Variants in WNT16 observed in about 807,000 individuals in gnomAD.
WNT16 encodes protein Wnt-16.
Under a neutral mutation model 35.4 loss-of-function variants are expected in WNT16, and 20 were observed. The observed-to-expected ratio is 0.56, with a 90% confidence interval of 0.40 to 0.82. The LOEUF (loss-of-function observed/expected upper bound fraction) is 0.82, where lower values mean the gene tolerates loss of function less well. Ranked by LOEUF, WNT16 falls within the 40% of genes least tolerant of loss-of-function variation. The probability of loss-of-function intolerance (pLI) is 0.00; values close to 1 mark genes in which losing one functional copy is unlikely to be tolerated. For missense variants in WNT16, 461 were observed against 466.0 expected, an observed-to-expected ratio of 0.99 and a Z score of 0.10; for synonymous variants, 180 against 179.2, an observed-to-expected ratio of 1.00 and a Z score of -0.03.
At position 121,339,563 on chromosome 7, in the gene WNT16, G is replaced by A; in HGVS notation, c.*218G>A. 4 of 526,734 alleles carry A rather than the reference G, an allele frequency of 7.6e-6. No individual in the cohort carries two copies. Among genetic ancestry groups the A allele is most frequent in the Non-Finnish European group, 1.3e-5 (4 of 297,860 alleles). The allele number at this position is 526,734 out of a possible 1,614,324, so 32.6% of individuals were successfully genotyped here. A position where few individuals can be genotyped will look rare whatever the true frequency, so the allele number is the denominator to read the frequency against. Reference sequence around the variant, plus strand: ...TTCTTGGGATTCTAATGTTGAAAAGGTTTATATTCACCTTTTGATGATTTG... The same window carrying A: ...TTCTTGGGATTCTAATGTTGAAAAGATTTATATTCACCTTTTGATGATTTG... On this transcript the variant is annotated 3_prime_UTR_variant, in exon 4 of 4. Transcript: ENST00000222462.
chr7:121,338,101 C>T (rs2116843281), intron 3 of WNT16, among the ~76,000 whole-genome samples: 1 of 152,276 alleles, frequency 6.6e-6, no homozygotes, highest in African/African-American at 2.4e-5. Flanking sequence ...TAGCATAGTT[C>T]ACCACCTCCA....
intron 3 of WNT16, among the ~76,000 whole-genome samples, chr7:121,337,078 T>C (rs1314957777): frequency 1.3e-5 from 2 of 152,116 alleles, no homozygotes; most frequent in Non-Finnish European, 2.9e-5. Context: ...GAATTGAGGG[T>C]TTTGTGAATA....
chr7:121,333,780 A>G (rs982494485), intron 3 of WNT16, among the ~76,000 whole-genome samples: 1 of 152,026 alleles, frequency 6.6e-6, no homozygotes. Flanking sequence ...TTCTTTGGCC[A>G]TTCTTTAAGT....
At chr7:121,325,469 G>A (rs1793230254), upstream of WNT16, 3 of 1,613,476 alleles carry the variant, frequency 1.9e-6, no homozygotes, top group Non-Finnish European at 2.5e-6. Flanking sequence ...CTTCTCAAAA[G>A]ACCTCCCTAT....
chr7:121,326,316 T>G (rs1030452328), upstream of WNT16, among the ~76,000 whole-genome samples: 20 of 152,154 alleles, frequency 1.3e-4, no homozygotes, highest in African/African-American at 4.3e-4. Context: ...GAATGAAAAA[T>G]CTGCTTCCTC....
At chr7:121,330,098 C>T (rs1382358865) in intron 2 of WNT16, among the ~76,000 whole-genome samples, 1 of 152,230 alleles carries the variant, frequency 6.6e-6, no homozygotes, top group Non-Finnish European at 1.5e-5. Context: ...AACTCTAATT[C>T]TCCTACCCCG....
chr7:121,333,934 A>C (rs1387361520), intron 3 of WNT16, among the ~76,000 whole-genome samples: 1 of 151,992 alleles, frequency 6.6e-6, no homozygotes, highest in African/African-American at 2.4e-5. Context: ...AACATTCGGC[A>C]GCTATTTGGT....
intron 3 of WNT16, among the ~76,000 whole-genome samples, chr7:121,334,164 A>T (rs543804349): frequency 6.6e-6 from 1 of 152,194 alleles, no homozygotes; most frequent in African/African-American, 2.4e-5. Flanking sequence ...CAATTTATGC[A>T]TATATGTACA....
At chr7:121,337,180 A>AG (rs1448304918) in intron 3 of WNT16, among the ~76,000 whole-genome samples, 4 of 152,208 alleles carry the variant, frequency 2.6e-5, no homozygotes, top group Non-Finnish European at 5.9e-5. Flanking sequence ...CCCTGGGTTA[A>AG]GAAGAAATAG....
At chr7:121,328,823 C>T (rs914706057), upstream of WNT16, among the ~76,000 whole-genome samples, 2 of 152,198 alleles carry the variant, frequency 1.3e-5, no homozygotes, top group African/African-American at 2.4e-5. Flanking sequence ...GGTCTGGACA[C>T]GCTGTCCCTG....
Position 121,329,116 on chromosome 7 carries a change from C to A in WNT16, c.-177C>A. 1.5e-6 allele frequency: 2 copies of A among 1,376,888 alleles called. No homozygotes were observed. The highest frequency in any genetic ancestry group is 1.9e-6 in the Non-Finnish European group (2 of 1,067,316). 85.3% of individuals were successfully genotyped at this position (1,376,888 alleles called of 1,614,324 possible). A position where few individuals can be genotyped will look rare whatever the true frequency, so the allele number is the denominator to read the frequency against. On this transcript the variant is annotated 5_prime_UTR_variant, in exon 1 of 4. Coordinates refer to ENST00000222462, the MANE Select transcript of WNT16 (RefSeq NM_057168.2). Reference sequence around the variant, plus strand: ...TCTCCATCTCTCCTACAGCTCCCTGCAAACGAGGGGGAAGCTGCTGAGAGT... The same window carrying A: ...TCTCCATCTCTCCTACAGCTCCCTGAAAACGAGGGGGAAGCTGCTGAGAGT...
In WNT16 at chr7:121,336,167, T is replaced by C. The variant is rs573359484; in HGVS notation, c.634-2714T>C. Among the ~76,000 whole-genome samples, 3 of 152,044 alleles carry C rather than the reference T, an allele frequency of 2.0e-5. 1 individual carries two copies. In the South Asian group the frequency reaches 6.2e-4, roughly 32 times the overall value. On this transcript the variant is annotated intron_variant, in intron 3 of 3. Transcript: ENST00000222462. ...TTGAAATTCCAGGTCAGGTTATTGA[T>C]ATTTTTTTCCTTGAAGTTCATTTAT...
chr7:121,328,455 A>T (rs890799990), upstream of WNT16, among the ~76,000 whole-genome samples: 2 of 152,184 alleles, frequency 1.3e-5, no homozygotes, highest in African/African-American at 4.8e-5. Flanking sequence ...CTCAAAATAA[A>T]TGCATACATA....
Position 121,338,988 on chromosome 7 carries a change from T to C in WNT16, c.741T>C (p.His247=), listed in dbSNP as rs1330010124. 4 of 1,613,988 alleles carry C rather than the reference T, an allele frequency of 2.5e-6. No individual in the cohort carries two copies. The highest frequency in any genetic ancestry group is 3.4e-6 in the Non-Finnish European group (4 of 1,180,014). ...KTMSSFEKIG[H]LLKDKYENSI... ...TGTCTTCTTTTGAAAAGATTGGCCATTTGTTGAAGGATAAATATGAAAACA... is the reference window on the plus strand; with the variant it reads ...TGTCTTCTTTTGAAAAGATTGGCCACTTGTTGAAGGATAAATATGAAAACA... The change falls in exon 4 of 4, where the codon CAT becomes CAC. Residue 247 remains histidine, a synonymous_variant. Coordinates refer to ENST00000222462, the MANE Select transcript of WNT16 (RefSeq NM_057168.2).
chr7:121,331,741 G>A lies in WNT16; in HGVS notation c.410G>A (p.Arg137Lys), dbSNP rs1793350843. 1.2e-6 allele frequency: 2 copies of A among 1,614,162 alleles called. No individual in the cohort carries two copies. The highest frequency in any genetic ancestry group is 4.5e-5 in the East Asian group (2 of 44,878). The stretch of plus-strand genomic sequence containing the variant: ...GCAGGCCTGGTGCATTCTGTGACCA[G>A]GTCATGCAGTGCAGGCAACATGACA... ...MAAGLVHSVT[R>K]SCSAGNMTEC... The change falls in exon 3 of 4, where the codon AGG becomes AAG. Residue 137 changes from arginine to lysine, a missense_variant. Coordinates refer to ENST00000222462, the MANE Select transcript of WNT16 (RefSeq NM_057168.2).
At chr7:121,326,269 G>A (rs886665838), upstream of WNT16, among the ~76,000 whole-genome samples, 1 of 152,122 alleles carries the variant, frequency 6.6e-6, no homozygotes, top group Non-Finnish European at 1.5e-5. Flanking sequence ...AGTTCACAAT[G>A]CCTGGAACAA....
chr7:121,332,664 TA>T (rs1378272866), intron 3 of WNT16, among the ~76,000 whole-genome samples: 3 of 152,188 alleles, frequency 2.0e-5, no homozygotes, highest in Admixed American at 2.0e-4. Context: ...CCTTAACTAA[TA>T]TTTTTTGTAA....
intron 3 of WNT16, among the ~76,000 whole-genome samples, chr7:121,334,206 A>C (rs1052200448): frequency 6.6e-6 from 1 of 152,040 alleles, no homozygotes; most frequent in Non-Finnish European, 1.5e-5. Context: ...TTCTCTCCTG[A>C]ATCATTTTTT....
At chr7:121,330,871 C>A (rs1562875359) in intron 2 of WNT16, among the ~76,000 whole-genome samples, 1 of 151,440 alleles carries the variant, frequency 6.6e-6, no homozygotes, top group African/African-American at 2.4e-5. Flanking sequence ...AAAAAAAAGT[C>A]GCCTGCTGAT....
Sources: allele counts gnomAD v4.1 joint callset (sites outside exome capture counted in the v4.1 genomes callset), GRCh38; gene constraint gnomAD v4.1.1; transcripts MANE v1.5; gene names NCBI Gene and HGNC (gene_info 2026-07-23, HGNC 2026-07-21).